The following DCAF1 variants were observed in gnomAD, a reference collection of about 807,000 sequenced individuals.
DCAF1 encodes DDB1 and CUL4 associated factor 1.
Under a neutral mutation model 128.0 loss-of-function variants are expected in DCAF1, and 15 were observed. The observed-to-expected ratio is 0.12, with a 90% CI of 0.08 to 0.18. DCAF1 has a LOEUF of 0.18. DCAF1 is among the 10% of genes least tolerant of loss of function. The pLI is 1.00. For missense variants in DCAF1, 988 were observed against 1,649.5 expected, an observed-to-expected ratio of 0.60 and a Z score of 6.95; for synonymous variants, 610 against 603.0, an observed-to-expected ratio of 1.01 and a Z score of -0.17.
At chr3:51,499,681 C>CAGG (rs782223587) in intron 1 of DCAF1, among the ~76,000 whole-genome samples, 192 bp downstream of exon 1, 1 of 151,772 alleles carries the variant, frequency 6.6e-6, no homozygotes, top group Non-Finnish European at 1.5e-5. Context: ...GGACAAGAAT[C>CAGG]AGGAGGAGGA....
chr3:51,418,071 C>G lies in DCAF1; in HGVS notation c.3518+45G>C, dbSNP rs1577081776. On this transcript the variant is annotated intron_variant, in intron 17 of 24. Coordinates refer to ENST00000684031, the MANE Select transcript of DCAF1 (RefSeq NM_001387579.1). The stretch of plus-strand genomic sequence containing the variant: ...AGAACCAAATGAAGGGGGGTATAAA[C>G]TAGGTAAATAAAGCACAGACTAGGT... 1.9e-6 allele frequency: 3 copies of G among 1,576,284 alleles called. 1 individual carries two copies. The South Asian group carries it at 3.5e-5, about 19-fold the overall frequency.
At chr3:51,452,044 A>G (rs781983561) in intron 6 of DCAF1, among the ~76,000 whole-genome samples, 1 of 152,018 alleles carries the variant, frequency 6.6e-6, no homozygotes, top group Non-Finnish European at 1.5e-5. Flanking sequence ...TCCTAGAGCA[A>G]TAAGTCTTTT....
rs781999788 is a variant in DCAF1, at chr3:51,419,853, C to T, written c.3117G>A (p.Glu1039=). ...TTGGCGCTTGCCGCCTCTGTTTTGG[C>T]TCAGGACATTGGTGAGGAGTAAAGA... ...FSLFTPHQCP[E]PKQRRQAPIN... The change falls in exon 15 of 25, where the codon GAG becomes GAA. Residue 1039 remains glutamate (E), a synonymous_variant. Transcript: ENST00000684031. The T allele has an allele frequency of 1.9e-6, 3 of 1,614,034 alleles. No individual in the cohort carries two copies. In the Middle Eastern group the frequency reaches 4.9e-4, roughly 266 times the overall value.
At chr3:51,487,935 A>G (rs76009718) in intron 2 of DCAF1, among the ~76,000 whole-genome samples, 11,247 of 151,660 alleles carry the variant, frequency 0.074, 981 homozygotes, top group East Asian at 0.33. Context: ...CGTGATCTTG[A>G]CTCACTGCAA....
At chr3:51,505,526 G>A in the DCAF1 span, among the ~76,000 whole-genome samples, 46 of 152,276 alleles carry the variant, frequency 3.0e-4, no homozygotes, top group Non-Finnish European at 6.0e-4. Flanking sequence ...GGCTCTTACC[G>A]TGGGGAAGTT....
At chr3:51,418,934 A>G in intron 15 of DCAF1, 58 bp from the exon 16 acceptor site, 1 of 1,511,996 alleles carries the variant, frequency 6.6e-7, no homozygotes, top group Non-Finnish European at 8.9e-7. Context: ...CAGAAAAAGC[A>G]AACTGCTAGG....
At chr3:51,426,015 A>G (rs1699876279) in intron 13 of DCAF1, among the ~76,000 whole-genome samples, 1 of 152,216 alleles carries the variant, frequency 6.6e-6, no homozygotes, top group African/African-American at 2.4e-5. Context: ...TTTTCGTAAT[A>G]ATAAGATGTC....
Position 51,477,647 on chromosome 3 carries a change from A to T in DCAF1, c.110+6072T>A, listed in dbSNP as rs149563785. On this transcript the variant is annotated intron_variant, in intron 3 of 24. Transcript: ENST00000684031. ...ACCGGAATTGGAGTCAAAACCCAGG[A>T]TTCTAACCTAAGTTTCCACTGCCTC... 3.3e-3 allele frequency among the ~76,000 whole-genome samples: 498 copies of T among 152,188 alleles called. 4 individuals are homozygous for T. Among genetic ancestry groups the T allele is most frequent in the African/African-American group, 0.012 (481 of 41,526 alleles).
chr3:51,464,342 A>G (rs1276741520), intron 5 of DCAF1, among the ~76,000 whole-genome samples: 1 of 152,096 alleles, frequency 6.6e-6, no homozygotes, highest in Non-Finnish European at 1.5e-5. Context: ...AAGCGATACT[A>G]TGTTCTGTGC....
intron 4 of DCAF1, among the ~76,000 whole-genome samples, chr3:51,469,628 T>C (rs1382207261): frequency 2.0e-5 from 3 of 152,314 alleles, no homozygotes; most frequent in East Asian, 3.9e-4. Flanking sequence ...ACTGGTGATC[T>C]ACCTTATAGT....
At chr3:51,452,130 G>A (rs1702419350) in intron 6 of DCAF1, among the ~76,000 whole-genome samples, 1 of 151,834 alleles carries the variant, frequency 6.6e-6, no homozygotes, top group Non-Finnish European at 1.5e-5. Flanking sequence ...GTTCACTGCA[G>A]CGTCCACCTC....
intron 3 of DCAF1, among the ~76,000 whole-genome samples, chr3:51,479,750 C>T (rs529202797): frequency 9.2e-5 from 14 of 152,122 alleles, no homozygotes; most frequent in South Asian, 2.1e-4. Context: ...AAGCCAAGAT[C>T]GCGCCACTGC....
At chr3:51,450,995 T>C (rs1207663215) in intron 6 of DCAF1, among the ~76,000 whole-genome samples, 1 of 142,524 alleles carries the variant, frequency 7.0e-6, no homozygotes, top group Non-Finnish European at 1.5e-5. Flanking sequence ...AGCAAAGTTA[T>C]AGGATACAAA....
chr3:51,458,906 T>C (rs2107980850), intron 6 of DCAF1, among the ~76,000 whole-genome samples: 1 of 152,250 alleles, frequency 6.6e-6, no homozygotes, highest in Non-Finnish European at 1.5e-5. Context: ...CTGGGACACA[T>C]TCAAAGCAGT....
intron 6 of DCAF1, among the ~76,000 whole-genome samples, chr3:51,454,603 T>C (rs1577199928): frequency 6.6e-6 from 1 of 152,214 alleles, no homozygotes; most frequent in East Asian, 1.9e-4. Flanking sequence ...CCTCAAGTGA[T>C]CTACCTGCCT....
At chr3:51,453,916 G>A (rs1197104376) in intron 6 of DCAF1, among the ~76,000 whole-genome samples, 1 of 150,498 alleles carries the variant, frequency 6.6e-6, no homozygotes, top group South Asian at 2.1e-4. Flanking sequence ...TCGCGCCACT[G>A]CCTCCAGCCT....
chr3:51,440,346 T>C (rs1553638292), intron 9 of DCAF1, among the ~76,000 whole-genome samples: 1 of 152,072 alleles, frequency 6.6e-6, no homozygotes, highest in Non-Finnish European at 1.5e-5. Context: ...GTATGGTGGC[T>C]CATACCTATA....
Position 51,414,643 on chromosome 3 carries a change from A to G in DCAF1, c.3818T>C (p.Val1273Ala). 1 of 1,613,952 alleles carries G rather than the reference A, an allele frequency of 6.2e-7. No individual in the cohort carries two copies. Among genetic ancestry groups the G allele is most frequent in the Non-Finnish European group, 8.5e-7 (1 of 1,179,840 alleles). The change falls in exon 19 of 25, where the codon GTG (valine) becomes GCG (alanine). Residue 1273 changes from valine (V) to alanine (A), a missense_variant. By Grantham distance (64) the Val-to-Ala change is moderately conservative. This residue lies in a region of DCAF1 where 85 missense variants were observed against 204.6 expected (regional missense o/e 0.42). Transcript: ENST00000684031. ...GGATACAATCTCAGTATTAATGATC[A>G]CCTCCAGTCCATTTGGATGGAAAAC... ...SGVFHPNGLE[V>A]IINTEIWDLR... is the part of the protein sequence containing the mutation.
At chr3:51,471,118 A>T in intron 3 of DCAF1, 113 bp from the exon 4 acceptor site, 1 of 572,198 alleles carries the variant, frequency 1.7e-6, no homozygotes, top group Non-Finnish European at 3.0e-6. Flanking sequence ...TTAGAAAAAG[A>T]CTATTTCTTC....
Sources: allele counts gnomAD v4.1 joint callset (sites outside exome capture counted in the v4.1 genomes callset), GRCh38; gene constraint gnomAD v4.1.1; regional missense constraint gnomAD v4.1.1; transcripts MANE v1.5; gene names NCBI Gene and HGNC (gene_info 2026-07-23, HGNC 2026-07-21).